The following LEPR variants were observed in gnomAD, a reference collection of about 807,000 sequenced individuals.
The protein encoded by LEPR is leptin receptor.
A neutral mutation model predicts 114.7 loss-of-function variants in LEPR; 56 were observed. The ratio of observed to expected loss-of-function variants is 0.49; its 90% CI spans 0.39 to 0.61. LEPR has a LOEUF of 0.61. Among genes scored for constraint, LEPR ranks in the 20% least tolerant of loss-of-function variants. LEPR has a pLI of 0.00. For missense variants in LEPR, 1,202 were observed against 1,352.9 expected (o/e 0.89, Z 1.75); for synonymous variants, 443 against 461.4 (o/e 0.96, Z 0.51).
At chr1:65,546,286 T>C (rs1331263299) in intron 2 of LEPR, among the ~76,000 whole-genome samples, 1 of 152,228 alleles carries the variant, frequency 6.6e-6, no homozygotes, top group East Asian at 1.9e-4. Flanking sequence ...GACTTGGCGA[T>C]GCGGGCTCTT....
intron 7 of LEPR, among the ~76,000 whole-genome samples, chr1:65,597,254 G>A (rs957863581): frequency 7.2e-5 from 11 of 151,914 alleles, no homozygotes; most frequent in African/African-American, 1.5e-4. Context: ...CACATACCCC[G>A]ACCCACCACA....
In LEPR at chr1:65,431,770, T is replaced by C. The variant is rs970865710; in HGVS notation, c.-21+6392T>C. 11 of 1,596,992 alleles carry C rather than the reference T, an allele frequency of 6.9e-6. No homozygotes were observed. The East Asian group carries it at 2.5e-4, about 36-fold the overall frequency. Reference sequence around the variant, plus strand: ...TGCAAAGAGTACAATATGAAGGAAGTAAGGATTTAATCCTTCTTTTCTTGT... The same window carrying C: ...TGCAAAGAGTACAATATGAAGGAAGCAAGGATTTAATCCTTCTTTTCTTGT... On this transcript the variant is annotated intron_variant, in intron 2 of 19. Transcript: ENST00000349533.
At chr1:65,434,484 T>G in intron 2 of LEPR, 6 of 985,316 alleles carry the variant, frequency 6.1e-6, no homozygotes, top group Non-Finnish European at 7.2e-6. Flanking sequence ...TGAGACACTT[T>G]TCCACAGAAA....
intron 2 of LEPR, among the ~76,000 whole-genome samples, chr1:65,488,287 C>T (rs9661436): frequency 0.34 from 42,628 of 126,116 alleles, 9,343 homozygotes; most frequent in Non-Finnish European, 0.47. Flanking sequence ...TCTTTCCCTC[C>T]CTCTCTCTCT....
chr1:65,627,749 T>G (rs1254035303), intron 19 of LEPR, among the ~76,000 whole-genome samples: 1 of 152,100 alleles, frequency 6.6e-6, no homozygotes, highest in East Asian at 1.9e-4. Flanking sequence ...ACTCACACTA[T>G]ATTGCAAAGA....
intron 2 of LEPR, among the ~76,000 whole-genome samples, chr1:65,545,893 C>G (rs1570655051): frequency 6.6e-6 from 1 of 151,758 alleles, no homozygotes; most frequent in African/African-American, 2.4e-5. Context: ...ATGCCTATGT[C>G]CTGAGTGGTA....
At chr1:65,603,210 A>G (rs1288959905) in intron 10 of LEPR, among the ~76,000 whole-genome samples, 1 of 152,122 alleles carries the variant, frequency 6.6e-6, no homozygotes, top group East Asian at 1.9e-4. Context: ...TATTCAATAT[A>G]TGGTTTTTGC....
At chr1:65,514,957 T>A (rs968542312) in intron 2 of LEPR, among the ~76,000 whole-genome samples, 3 of 152,238 alleles carry the variant, frequency 2.0e-5, no homozygotes, top group African/African-American at 7.2e-5. Flanking sequence ...ATTAGATGAA[T>A]CAGATAATGT....
At chr1:65,482,123 T>TACAC (rs141690381) in intron 2 of LEPR, among the ~76,000 whole-genome samples, 33,331 of 149,296 alleles carry the variant, frequency 0.22, 5,023 homozygotes, top group African/African-American at 0.43. Context: ...ATTTTACACA[T>TACAC]ACACACACAC....
chr1:65,589,960 G>C (rs1055614814), intron 5 of LEPR, among the ~76,000 whole-genome samples: 5 of 151,794 alleles, frequency 3.3e-5, no homozygotes, highest in African/African-American at 4.8e-5. Context: ...GTGTAAAATA[G>C]CCTGTTGAGA....
At chr1:65,496,943 T>C (rs1239299100) in intron 2 of LEPR, among the ~76,000 whole-genome samples, 2 of 152,022 alleles carry the variant, frequency 1.3e-5, no homozygotes, top group African/African-American at 4.8e-5. Flanking sequence ...AGGTGATTCA[T>C]GTGCACATCC....
intron 2 of LEPR, among the ~76,000 whole-genome samples, chr1:65,546,547 A>G (rs551672622): frequency 1.6e-4 from 25 of 152,152 alleles, no homozygotes; most frequent in Admixed American, 3.9e-4. Flanking sequence ...TGGATTCCTA[A>G]GTATTTTATT....
chr1:65,573,746 G>C (rs1216045901), intron 5 of LEPR, among the ~76,000 whole-genome samples: 1 of 152,182 alleles, frequency 6.6e-6, no homozygotes, highest in Admixed American at 6.5e-5. Flanking sequence ...GTAAAGCGGG[G>C]CTGAGAGGAG....
intron 2 of LEPR, among the ~76,000 whole-genome samples, chr1:65,462,982 A>G (rs1646965044): frequency 6.6e-6 from 1 of 152,148 alleles, no homozygotes; most frequent in South Asian, 2.1e-4. Flanking sequence ...TTTGCTGTAC[A>G]GAAGCTCTTT....
chr1:65,429,664 C>CT (rs1646448795), intron 2 of LEPR, among the ~76,000 whole-genome samples: 1 of 152,132 alleles, frequency 6.6e-6, no homozygotes, highest in Non-Finnish European at 1.5e-5. Flanking sequence ...ACAATATAAG[C>CT]TACCTACATA....
At position 65,611,753 on chromosome 1, in the gene LEPR, T is replaced by C. The variant is rs576894999; in HGVS notation, c.1995+1457T>C. Among the ~76,000 whole-genome samples, 3 of 152,342 alleles carry C rather than the reference T, an allele frequency of 2.0e-5. No homozygotes were observed. In the East Asian group the frequency reaches 5.8e-4, roughly 29 times the overall value. On this transcript the variant is annotated intron_variant, in intron 14 of 19. Coordinates refer to ENST00000349533, the MANE Select transcript of LEPR (RefSeq NM_002303.6). ...GAAGTTTCTGTAATGATGAAAATGGTTTATATCTGCATTGTCCAATATGGT... is the reference window on the plus strand; with the variant it reads ...GAAGTTTCTGTAATGATGAAAATGGCTTATATCTGCATTGTCCAATATGGT...
chr1:65,481,875 AAAAAG>A (rs909330278), intron 2 of LEPR, among the ~76,000 whole-genome samples: 1 of 151,270 alleles, frequency 6.6e-6, no homozygotes, highest in African/African-American at 2.4e-5. Context: ...CAAAAACAAG[AAAAAG>A]AAGAGTATAA....
rs536462075 is a variant in LEPR at position 65,439,605 on chromosome 1, T to G, written c.-21+14227T>G. 4.0e-5 allele frequency among the ~76,000 whole-genome samples: 6 copies of G among 151,852 alleles called. No homozygotes were observed. In the East Asian group the frequency reaches 1.2e-3, roughly 29 times the overall value. On this transcript the variant is annotated intron_variant, in intron 2 of 19. Coordinates refer to ENST00000349533, the MANE Select transcript of LEPR (RefSeq NM_002303.6). ...GCTGAGGCAGGTGGATCATCTGAGGTCAGGAGTTCAAGACCAGCCTGGCCA... is the reference window on the plus strand; with the variant it reads ...GCTGAGGCAGGTGGATCATCTGAGGGCAGGAGTTCAAGACCAGCCTGGCCA...
In LEPR at chr1:65,636,858, G is replaced by C. The variant is rs1285758173; in HGVS notation, c.3341G>C (p.Arg1114Thr). The change falls in exon 20 of 20, where the codon AGA (arginine) becomes ACA (threonine). Residue 1114 changes from arginine to threonine, a missense_variant. Transcript: ENST00000349533. ...GCCCCCTGTTTATTCACGGACATCA[G>C]AGTTCTCCAGGACAGTTGCTCACAC... The part of the protein sequence containing the change: ...FPAPCLFTDI[R>T]VLQDSCSHFV... The C allele has an allele frequency of 6.2e-7, 1 of 1,611,766 alleles. No homozygotes were observed. The highest frequency in any genetic ancestry group is 8.5e-7 in the Non-Finnish European group (1 of 1,179,080).
Sources: gnomAD v4.1 joint callset for allele counts (sites outside exome capture counted in the v4.1 genomes callset) on GRCh38, gnomAD v4.1.1 for gene constraint, MANE v1.5 for transcripts, NCBI Gene and HGNC (gene_info 2026-07-23, HGNC 2026-07-21) for gene names.